SGMS1: variants seen among roughly 807,000 people sequenced by gnomAD.
SGMS1 encodes the protein phosphatidylcholine:ceramide cholinephosphotransferase 1.
SGMS1 carries 13 observed loss-of-function variants against 46.2 expected under a neutral mutation model. That is an observed-to-expected ratio of 0.28 (90% confidence interval 0.18 to 0.45). The LOEUF is 0.45. Ranked by LOEUF, SGMS1 falls within the 20% of genes least tolerant of loss-of-function variation. The pLI is 1.00. For missense variants in SGMS1, 324 were observed against 519.9 expected (o/e 0.62, Z 3.66); for synonymous variants, 203 against 187.8 (o/e 1.08, Z -0.66).
At chr10:50,623,992 G>C, upstream of SGMS1, 2 of 985,456 alleles carry the variant, frequency 2.0e-6, no homozygotes, top group Non-Finnish European at 1.2e-6. Flanking sequence ...GAGCCGGCCC[G>C]GCTTCCCGCG....
intron 2 of SGMS1, among the ~76,000 whole-genome samples, chr10:50,552,162 G>A (rs115757592): frequency 0.012 from 1,753 of 152,318 alleles, 30 homozygotes; most frequent in African/African-American, 0.04. Context: ...TCCTCAGACA[G>A]GCACGCAAGG....
chr10:50,540,984 C>T (rs1838046892), intron 2 of SGMS1, among the ~76,000 whole-genome samples: 1 of 151,116 alleles, frequency 6.6e-6, no homozygotes, highest in East Asian at 1.9e-4. Context: ...TCAACAGAAA[C>T]TTGGTTTGGG....
intron 5 of SGMS1, among the ~76,000 whole-genome samples, chr10:50,452,520 T>G (rs1837124371): frequency 6.6e-6 from 1 of 151,998 alleles, no homozygotes; most frequent in Non-Finnish European, 1.5e-5. Flanking sequence ...CATAATGAAG[T>G]ATAAAATCTC....
chr10:50,421,678 G>C (rs1016231650), intron 6 of SGMS1, among the ~76,000 whole-genome samples: 4 of 152,206 alleles, frequency 2.6e-5, no homozygotes, highest in African/African-American at 7.2e-5. Context: ...ACCCTAATAA[G>C]ATGGTGGCCC....
chr10:50,438,404 T>C (rs1045680205), intron 5 of SGMS1, among the ~76,000 whole-genome samples: 1 of 152,184 alleles, frequency 6.6e-6, no homozygotes, highest in South Asian at 2.1e-4. Context: ...AACCTCCAGC[T>C]GACAGCAAGA....
chr10:50,552,380 A>C (rs1297365287), intron 2 of SGMS1, among the ~76,000 whole-genome samples: 1 of 152,212 alleles, frequency 6.6e-6, no homozygotes, highest in African/African-American at 2.4e-5. Flanking sequence ...GTAAGTAGAC[A>C]TACCCTTTAA....
At chr10:50,568,958 CT>C (rs762950822) in intron 2 of SGMS1, among the ~76,000 whole-genome samples, 166 of 152,174 alleles carry the variant, frequency 1.1e-3, no homozygotes, top group Non-Finnish European at 2.0e-3. Context: ...CCATGGAATA[CT>C]ATGCAGCCAT....
In SGMS1 at chr10:50,574,093, G is replaced by A. The variant is rs543687041; in HGVS notation, c.-589+16060C>T. Reference sequence around the variant, plus strand: ...TCTTAGAAGAAAACACAGGGGGGAAGCTTCTTGATATTAGATTTGGCAATG... The same window carrying A: ...TCTTAGAAGAAAACACAGGGGGGAAACTTCTTGATATTAGATTTGGCAATG... On this transcript the variant is annotated intron_variant, in intron 2 of 10. Coordinates refer to ENST00000361781, the MANE Select transcript of SGMS1 (RefSeq NM_147156.4). Among the ~76,000 whole-genome samples the A allele has an allele frequency of 3.3e-5, 5 of 152,242 alleles. No homozygotes were observed. The South Asian group carries it at 8.3e-4, about 25-fold the overall frequency.
At chr10:50,337,494 T>C (rs1307742139) in intron 7 of SGMS1, among the ~76,000 whole-genome samples, 4 of 152,208 alleles carry the variant, frequency 2.6e-5, no homozygotes, top group Non-Finnish European at 5.9e-5. Flanking sequence ...TTTTAAGAAC[T>C]TTAATCACAA....
intron 2 of SGMS1, among the ~76,000 whole-genome samples, chr10:50,561,001 G>A (rs1838231862): frequency 1.3e-5 from 2 of 152,152 alleles, no homozygotes; most frequent in Non-Finnish European, 2.9e-5. Context: ...TCTGAGCACT[G>A]AGACTAAGCA....
At chr10:50,494,060 G>T (rs1301042154) in intron 3 of SGMS1, among the ~76,000 whole-genome samples, 1 of 152,244 alleles carries the variant, frequency 6.6e-6, no homozygotes, top group Non-Finnish European at 1.5e-5. Flanking sequence ...GCCTCCCAAA[G>T]TGCTGGGATT....
intron 1 of SGMS1, among the ~76,000 whole-genome samples, chr10:50,620,493 G>T (rs978890195): frequency 6.6e-5 from 10 of 152,196 alleles, no homozygotes; most frequent in Non-Finnish European, 1.3e-4. Context: ...TGAAGTGGTG[G>T]GAAAGTGTAT....
At chr10:50,424,492 G>C (rs1849296142) in intron 6 of SGMS1, among the ~76,000 whole-genome samples, 1 of 152,158 alleles carries the variant, frequency 6.6e-6, no homozygotes, top group Admixed American at 6.5e-5. Context: ...CTGGACATCG[G>C]CCTTGGCAAG....
chr10:50,478,038 C>G (rs1422540798), intron 3 of SGMS1, among the ~76,000 whole-genome samples: 7 of 152,344 alleles, frequency 4.6e-5, no homozygotes, highest in Non-Finnish European at 1.0e-4. Context: ...AACAATTTCA[C>G]TTGTAAAGCA....
chr10:50,595,531 T>A (rs1442319642), intron 1 of SGMS1, among the ~76,000 whole-genome samples: 1 of 152,178 alleles, frequency 6.6e-6, no homozygotes, highest in East Asian at 1.9e-4. Context: ...ATTATTCCCA[T>A]TTTATAGGTG....
intron 6 of SGMS1, among the ~76,000 whole-genome samples, chr10:50,413,399 C>T (rs1849127888): frequency 6.6e-6 from 1 of 152,224 alleles, no homozygotes; most frequent in African/African-American, 2.4e-5. Flanking sequence ...TACATTAACT[C>T]TCAAAGGCCT....
chr10:50,614,772 CAACAG>C (rs1838781520), intron 1 of SGMS1, among the ~76,000 whole-genome samples: 1 of 152,244 alleles, frequency 6.6e-6, no homozygotes, highest in African/African-American at 2.4e-5. Context: ...GGCTCTCCAC[CAACAG>C]TACCTACTTC....
At chr10:50,577,138 G>A (rs755087449) in intron 2 of SGMS1, among the ~76,000 whole-genome samples, 5 of 152,164 alleles carry the variant, frequency 3.3e-5, no homozygotes, top group South Asian at 2.1e-4. Context: ...GGCTGCTTCC[G>A]TTAAGCTAGG....
chr10:50,614,111 C>CTT lies in SGMS1; in HGVS notation c.-684+9594_-684+9595dup, dbSNP rs143712383. On this transcript the variant is annotated intron_variant, in intron 1 of 10. Transcript: ENST00000361781. ...GATAAGTGGTGAACAGGAAGTCTTT[C>CTT]TTTTTTTTTTTTTGCCAATGGAAGG... 9.8e-3 allele frequency among the ~76,000 whole-genome samples: 1,429 copies of CTT among 145,172 alleles called. 11 individuals are homozygous for CTT. Among genetic ancestry groups the CTT allele is most frequent in the Middle Eastern group, 0.017 (5 of 286 alleles).
Sources: allele counts gnomAD v4.1 joint callset (sites outside exome capture counted in the v4.1 genomes callset), GRCh38; gene constraint gnomAD v4.1.1; transcripts MANE v1.5; gene names NCBI Gene and HGNC (gene_info 2026-07-23, HGNC 2026-07-21).